The following NACC2 variants were observed in gnomAD, a reference collection of about 807,000 sequenced individuals.
NACC2 encodes NACC family member 2.
Under a neutral mutation model 25.1 loss-of-function variants are expected in NACC2, and 8 were observed. The observed-to-expected ratio is 0.32, with a 90% CI of 0.19 to 0.57. The LOEUF (loss-of-function observed/expected upper bound fraction) is 0.57, where lower values mean the gene tolerates loss of function less well. NACC2 is among the 20% of genes least tolerant of loss of function. NACC2 has a pLI of 0.89. For synonymous variants in NACC2, 435 were observed against 294.7 expected, an observed-to-expected ratio of 1.48 and a Z score of -4.88; for missense variants, 644 against 650.2, an observed-to-expected ratio of 0.99 and a Z score of 0.10.
intron 1 of NACC2, among the ~76,000 whole-genome samples, chr9:136,075,050 C>T (rs953385035): frequency 1.3e-5 from 2 of 152,126 alleles, no homozygotes; most frequent in African/African-American, 4.8e-5. Context: ...GACGTGACCT[C>T]CTCCAGGCCG....
At chr9:136,023,337 A>C (rs1298041959) in intron 2 of NACC2, among the ~76,000 whole-genome samples, 1 of 151,820 alleles carries the variant, frequency 6.6e-6, no homozygotes, top group Non-Finnish European at 1.5e-5. Context: ...GCAGCCCGCC[A>C]GGGCACCTGG....
Position 136,049,756 on chromosome 9 carries a change from T to C in NACC2, c.766A>G (p.Thr256Ala). 2.6e-6 allele frequency: 2 copies of C among 777,812 alleles called. No homozygotes were observed. Among genetic ancestry groups the C allele is most frequent in the Non-Finnish European group, 2.4e-6 (1 of 417,200 alleles). 48.2% of individuals were successfully genotyped at this position (777,812 alleles called of 1,614,324 possible). The change falls in exon 2 of 6, where the codon ACC becomes GCC. Residue 256 changes from threonine to alanine, a missense_variant. By Grantham distance (58) the Thr-to-Ala change is moderately conservative. Coordinates refer to ENST00000277554, the MANE Select transcript of NACC2 (RefSeq NM_144653.5). ...RTSPGASSLP[T>A]TDSPTSYHNE... ...TGGTACGAGGTGGGGCTGTCGGTGG[T>C]GGGCAGGCTGCTGGCGCCTGGACTG...
chr9:136,050,911 G>C (rs1564231406), intron 1 of NACC2, among the ~76,000 whole-genome samples: 1 of 152,212 alleles, frequency 6.6e-6, no homozygotes, highest in East Asian at 1.9e-4. Flanking sequence ...AACCTGCCCC[G>C]GGACAGGAGG....
At chr9:136,046,775 G>A (rs1840731841) in intron 2 of NACC2, among the ~76,000 whole-genome samples, 1 of 152,244 alleles carries the variant, frequency 6.6e-6, no homozygotes. Context: ...CTGGAGGGAG[G>A]GAGGAGAGGC....
chr9:136,050,674 T>G lies in NACC2; in HGVS notation c.-59-94A>C, dbSNP rs58787166. The G allele has an allele frequency of 1.1e-3, 731 of 643,282 alleles. 2 individuals carry two copies. The highest frequency in any genetic ancestry group is 4.5e-3 in the Middle Eastern group (11 of 2,456). The allele number at this position is 643,282 out of a possible 1,614,324, so 39.8% of individuals were successfully genotyped here. ...CACCCCCTCCTCCCCCGCCGGGGGCTTACAAAGAGCGAGCCTTCCGCACGC... is the reference window on the plus strand; with the variant it reads ...CACCCCCTCCTCCCCCGCCGGGGGCGTACAAAGAGCGAGCCTTCCGCACGC... On this transcript the variant is annotated intron_variant, in intron 1 of 5. Coordinates refer to ENST00000277554, the MANE Select transcript of NACC2 (RefSeq NM_144653.5).
chr9:136,073,688 C>T (rs948540692), intron 1 of NACC2, among the ~76,000 whole-genome samples: 3 of 152,166 alleles, frequency 2.0e-5, no homozygotes, highest in African/African-American at 4.8e-5. Flanking sequence ...TTCATAATAC[C>T]TGGAAATAAG....
intron 1 of NACC2, among the ~76,000 whole-genome samples, chr9:136,092,265 GGTCTGCA>G (rs143917631): frequency 0.011 from 1,727 of 152,290 alleles, 21 homozygotes; most frequent in African/African-American, 0.039. Context: ...CAGGGAGCTG[GGTCTGCA>G]GACACTCACC....
intron 2 of NACC2, among the ~76,000 whole-genome samples, chr9:136,044,773 G>A (rs986770968): frequency 5.6e-4 from 85 of 152,330 alleles, no homozygotes; most frequent in Non-Finnish European, 8.8e-4. Context: ...CCTGCTCCCC[G>A]ACCGGGCAGG....
At chr9:136,060,583 T>C (rs932475951) in intron 1 of NACC2, among the ~76,000 whole-genome samples, 3 of 152,186 alleles carry the variant, frequency 2.0e-5, no homozygotes, top group Non-Finnish European at 4.4e-5. Flanking sequence ...TCTGGTTCAG[T>C]CCCTGGCCCG....
chr9:136,028,077 T>C (rs545627656), intron 2 of NACC2, among the ~76,000 whole-genome samples: 47 of 152,150 alleles, frequency 3.1e-4, no homozygotes, highest in African/African-American at 8.9e-4. Context: ...CTGGCCAACA[T>C]GGTGAAACCC....
At chr9:136,036,418 G>A (rs1029770797) in intron 2 of NACC2, among the ~76,000 whole-genome samples, 1 of 152,008 alleles carries the variant, frequency 6.6e-6, no homozygotes, top group Non-Finnish European at 1.5e-5. Context: ...TCAGTAAACA[G>A]AAACAGACCA....
At chr9:136,042,897 GAC>G (rs1276775685) in intron 2 of NACC2, among the ~76,000 whole-genome samples, 8 of 127,756 alleles carry the variant, frequency 6.3e-5, no homozygotes, top group Non-Finnish European at 1.3e-4. Flanking sequence ...GACACATACA[GAC>G]ACACACAGAG....
At chr9:136,060,466 G>A (rs927209835) in intron 1 of NACC2, among the ~76,000 whole-genome samples, 6 of 152,228 alleles carry the variant, frequency 3.9e-5, no homozygotes, top group African/African-American at 1.2e-4. Flanking sequence ...GGCAGCAGGC[G>A]CTTCTTTCCA....
In NACC2 at chr9:136,041,369, G is replaced by A. The variant is rs1194417377; in HGVS notation, c.886+8267C>T. Among the ~76,000 whole-genome samples, 11 of 151,638 alleles carry A rather than the reference G, an allele frequency of 7.3e-5. No individual in the cohort carries two copies. The East Asian group carries it at 9.7e-4, about 13-fold the overall frequency. Reference sequence around the variant, plus strand: ...CAGGAGGCGGAGGCTGCAGTGAGCCGAGATCGCACCACTGCACTCCAGCCT... The same window carrying A: ...CAGGAGGCGGAGGCTGCAGTGAGCCAAGATCGCACCACTGCACTCCAGCCT... On this transcript the variant is annotated intron_variant, in intron 2 of 5. Transcript: ENST00000277554.
chr9:136,053,913 C>T lies in NACC2; in HGVS notation c.-59-3333G>A, dbSNP rs991003855. 7.2e-5 allele frequency among the ~76,000 whole-genome samples: 11 copies of T among 152,332 alleles called. No homozygotes were observed. The South Asian group carries it at 2.3e-3, about 32-fold the overall frequency. On this transcript the variant is annotated intron_variant, in intron 1 of 5. Coordinates refer to ENST00000277554, the MANE Select transcript of NACC2 (RefSeq NM_144653.5). ...CACAGACAGCAAGGGACAATGTAGGCTCTCAGCCTGTCCCTTCCAGCAGCA... is the reference window on the plus strand; with the variant it reads ...CACAGACAGCAAGGGACAATGTAGGTTCTCAGCCTGTCCCTTCCAGCAGCA...
intron 2 of NACC2, among the ~76,000 whole-genome samples, chr9:136,046,847 T>C (rs1220550565): frequency 2.0e-5 from 3 of 152,212 alleles, no homozygotes; most frequent in African/African-American, 4.8e-5. Flanking sequence ...GGGCGGGGGC[T>C]GTGCCGGGGA....
At chr9:136,043,561 C>T (rs1209312342) in intron 2 of NACC2, among the ~76,000 whole-genome samples, 34 of 152,180 alleles carry the variant, frequency 2.2e-4, no homozygotes, top group Admixed American at 2.0e-3. Flanking sequence ...AACCACATGA[C>T]GAACAGAAAC....
At chr9:136,052,186 T>C (rs1246376933) in intron 1 of NACC2, among the ~76,000 whole-genome samples, 1 of 152,198 alleles carries the variant, frequency 6.6e-6, no homozygotes, top group African/African-American at 2.4e-5. Flanking sequence ...AGACAGACTT[T>C]TGATGACTCA....
At chr9:136,042,474 G>A (rs1021615760) in intron 2 of NACC2, among the ~76,000 whole-genome samples, 1 of 152,104 alleles carries the variant, frequency 6.6e-6, no homozygotes, top group Non-Finnish European at 1.5e-5. Flanking sequence ...AAGGTGTGAA[G>A]GGAATTCAGT....
Sources: allele counts gnomAD v4.1 joint callset (sites outside exome capture counted in the v4.1 genomes callset), GRCh38; gene constraint gnomAD v4.1.1; transcripts MANE v1.5; gene names NCBI Gene and HGNC (gene_info 2026-07-23, HGNC 2026-07-21).